Variants in TSPAN10 observed in about 807,000 individuals in gnomAD.
TSPAN10 encodes the protein tetraspanin-10.
In TSPAN10, 11 loss-of-function variants were observed where a neutral mutation model predicts 15.0. The observed-to-expected ratio is 0.73, with a 90% CI of 0.46 to 1.21. TSPAN10 has a LOEUF of 1.21. Among genes scored for constraint, TSPAN10 ranks in the 50% most tolerant of loss-of-function variants. The pLI is 0.00. For synonymous variants in TSPAN10, 241 were observed against 226.2 expected (o/e 1.07, Z -0.59); for missense variants, 486 against 470.6 (o/e 1.03, Z -0.30).
intron 1 of TSPAN10, 33 bp from the exon 3 acceptor site, chr17:81,644,959 T>C (rs111660034): frequency 1.3e-4 from 216 of 1,605,640 alleles, no homozygotes; most frequent in Admixed American, 2.5e-4. Flanking sequence ...TCTGGGTGAA[T>C]GCGGTCTCAC....
At chr17:81,639,945 G>A (rs71373097), upstream of TSPAN10, among the ~76,000 whole-genome samples, 39 of 151,030 alleles carry the variant, frequency 2.6e-4, no homozygotes, top group Admixed American at 6.6e-4. Context: ...ACGCCACTGC[G>A]CTCCAGCCTG....
At chr17:81,641,784 G>A (rs2036180205), upstream of TSPAN10, among the ~76,000 whole-genome samples, 1 of 152,052 alleles carries the variant, frequency 6.6e-6, no homozygotes, top group Admixed American at 6.6e-5. Context: ...GAGGCAAGGT[G>A]GCGTACATCT....
At chr17:81,637,494 A>T, upstream of TSPAN10, 1 of 664,234 alleles carries the variant, frequency 1.5e-6, no homozygotes, top group South Asian at 1.6e-5. Flanking sequence ...TAAGAAAAAC[A>T]AACGAGTTTA....
chr17:81,640,621 T>G (rs1224087475), upstream of TSPAN10, among the ~76,000 whole-genome samples: 1 of 152,076 alleles, frequency 6.6e-6, no homozygotes, highest in African/African-American at 2.4e-5. Flanking sequence ...GCTAATTTTT[T>G]GTACTTTTAG....
intron 1 of TSPAN10, among the ~76,000 whole-genome samples, chr17:81,643,051 C>T (rs1044188238): frequency 1.3e-5 from 2 of 150,002 alleles, no homozygotes; most frequent in East Asian, 1.9e-4. Context: ...TGTCACCAGG[C>T]TGGAGTGCAG....
Position 81,645,038 on chromosome 17 carries a change from C to A in TSPAN10, c.83C>A (p.Ser28Ter), listed in dbSNP as rs2036225047. The change falls in exon 2 of 3, where the codon TCA becomes TAA. Residue 28 changes from serine to a stop codon, truncating the protein, a stop_gained. Coordinates refer to ENST00000611590, the Ensembl canonical transcript of TSPAN10. LOFTEE classifies it high-confidence loss of function. ...CTCTCTGTGCACAGGCCACCCACCT[C>A]AGGCTGCCTAGGTCCAGTGCCCAGG... The A allele has an allele frequency of 1.3e-6, 2 of 1,596,272 alleles. No homozygotes were observed. Among genetic ancestry groups the A allele is most frequent in the Non-Finnish European group, 1.7e-6 (2 of 1,167,872 alleles).
At chr17:81,641,401 T>C (rs1053845737), upstream of TSPAN10, among the ~76,000 whole-genome samples, 3 of 152,004 alleles carry the variant, frequency 2.0e-5, no homozygotes, top group African/African-American at 7.2e-5. Context: ...AGACTCAGAG[T>C]GGCCTTCAAG....
At chr17:81,638,544 C>G (rs1198800688), upstream of TSPAN10, 2 of 152,282 alleles carry the variant, frequency 1.3e-5, no homozygotes, top group Non-Finnish European at 2.9e-5. Context: ...GTGATCCGCC[C>G]ACCTGGGCCT....
intron 1 of TSPAN10, among the ~76,000 whole-genome samples, chr17:81,643,098 C>A (rs62075720): frequency 6.7e-6 from 1 of 149,550 alleles, no homozygotes; most frequent in Non-Finnish European, 1.5e-5. Flanking sequence ...TCCGCCTCCT[C>A]GGTTCAAGCA....
upstream of TSPAN10, among the ~76,000 whole-genome samples, chr17:81,639,794 T>C (rs9747347): frequency 0.74 from 110,989 of 150,408 alleles, 42,073 homozygotes; most frequent in East Asian, 0.99. Context: ...CTGGCTAATA[T>C]GGTGAAACCC....
At position 81,644,006 on chromosome 17, in the gene TSPAN10, A is replaced by ATT. The variant is rs1322175344; in HGVS notation, c.37-965_37-964dup. 2.7e-4 allele frequency among the ~76,000 whole-genome samples: 34 copies of ATT among 124,124 alleles called. 1 individual carries two copies. Among genetic ancestry groups the ATT allele is most frequent in the African/African-American group, 6.5e-4 (21 of 32,346 alleles). 81.4% of individuals were successfully genotyped at this position (124,124 alleles called of 152,430 possible). A position where few individuals can be genotyped will look rare whatever the true frequency, so the allele number is the denominator to read the frequency against. On this transcript the variant is annotated intron_variant, in intron 1 of 2. Coordinates refer to ENST00000611590, the Ensembl canonical transcript of TSPAN10. ...AGGTGTGTGCCACCACGCCCGGCTA[A>ATT]TTTTTTTTTTTTTTTTTTTTTTAGT...
chr17:81,641,629 G>T (rs1210799733), upstream of TSPAN10, among the ~76,000 whole-genome samples: 1 of 149,190 alleles, frequency 6.7e-6, no homozygotes, highest in African/African-American at 2.5e-5. Flanking sequence ...AGTGTTGGTG[G>T]CTGAGTCCGG....
At chr17:81,646,411 A>G (rs7405827) in intron 2 of TSPAN10, 76,398 of 151,422 alleles carry the variant, frequency 0.5, 21,115 homozygotes, top group East Asian at 0.99. Context: ...CGGGCGCGGT[A>G]GCTCACGCCT....
upstream of TSPAN10, chr17:81,638,920 G>A (rs976970810): frequency 6.6e-6 from 1 of 152,128 alleles, no homozygotes; most frequent in African/African-American, 2.4e-5. Context: ...CTAATCTTAT[G>A]GCTAATTTGT....
At chr17:81,646,635 GC>G (rs2036257045) in intron 2 of TSPAN10, 1 of 145,904 alleles carries the variant, frequency 6.9e-6, no homozygotes, top group African/African-American at 2.6e-5. Flanking sequence ...AGCCGAGATC[GC>G]CCCACTGCAC....
At chr17:81,640,522 C>T (rs545013565), upstream of TSPAN10, among the ~76,000 whole-genome samples, 1 of 152,120 alleles carries the variant, frequency 6.6e-6, no homozygotes, top group Non-Finnish European at 1.5e-5. Context: ...CATCTCGGCT[C>T]ACTGCAACCT....
exon 1 of TSPAN10, chr17:81,642,430 G>A: frequency 1.2e-6 from 2 of 1,612,456 alleles, no homozygotes; most frequent in Non-Finnish European, 8.5e-7. Flanking sequence ...AGGGGGAGAG[G>A]AGCCCCTTAC....
At chr17:81,637,578 C>T (rs979534623), upstream of TSPAN10, 3 of 532,364 alleles carry the variant, frequency 5.6e-6, no homozygotes, top group South Asian at 7.0e-5. Context: ...GTGGACGGAT[C>T]ACCTGAGGTC....
chr17:81,644,954 G>A, intron 1 of TSPAN10, 38 bp from the exon 3 acceptor site: 1 of 1,604,568 alleles, frequency 6.2e-7, no homozygotes, highest in South Asian at 1.1e-5. Context: ...CAGAGTCTGG[G>A]TGAATGCGGT....
Sources: gnomAD v4.1 joint callset for allele counts (sites outside exome capture counted in the v4.1 genomes callset) on GRCh38, gnomAD v4.1.1 for gene constraint, MANE v1.5 for transcripts, NCBI Gene and HGNC (gene_info 2026-07-23, HGNC 2026-07-21) for gene names.